MRTFB: variants seen among roughly 807,000 people sequenced by gnomAD.
MRTFB encodes the protein myocardin related transcription factor B, also known as myocardin-related transcription factor B.
In MRTFB, 29 loss-of-function variants were observed where a neutral mutation model predicts 104.2. The observed-to-expected ratio is 0.28, with a 90% CI of 0.21 to 0.38. The LOEUF (loss-of-function observed/expected upper bound fraction) is 0.38, where lower values mean the gene tolerates loss of function less well. MRTFB is among the 10% of genes least tolerant of loss of function. MRTFB has a pLI of 1.00. For synonymous variants in MRTFB, 535 were observed against 519.5 expected (o/e 1.03, Z -0.41); for missense variants, 1,270 against 1,341.6 (o/e 0.95, Z 0.83).
At chr16:14,103,574 A>T (rs771994735) in intron 2 of MRTFB, among the ~76,000 whole-genome samples, 2 of 152,134 alleles carry the variant, frequency 1.3e-5, no homozygotes, top group African/African-American at 2.4e-5. Context: ...TCCTGTTTCC[A>T]TTGCTGAAAT....
the MRTFB span, among the ~76,000 whole-genome samples, chr16:14,018,184 T>G: frequency 3.2e-3 from 483 of 152,298 alleles, 3 homozygotes; most frequent in African/African-American, 0.011. Context: ...CAGAGGGCTT[T>G]TCTGGAAGAA....
At chr16:14,154,916 T>TCTCTTGTAGCATTCCTTAAAC (rs1402565044) in intron 3 of MRTFB, among the ~76,000 whole-genome samples, 3 of 152,176 alleles carry the variant, frequency 2.0e-5, no homozygotes, top group African/African-American at 7.2e-5. Context: ...AGAGTGATAA[T>TCTCTTGTAGCATTCCTTAAAC]CTCTTGTAGC....
intron 10 of MRTFB, among the ~76,000 whole-genome samples, chr16:14,244,450 G>A (rs2042927473): frequency 6.6e-6 from 1 of 152,080 alleles, no homozygotes; most frequent in African/African-American, 2.4e-5. Flanking sequence ...TTTTCCTTTA[G>A]TACTACGAAA....
rs1333317268 is a variant in MRTFB at position 14,182,076 on chromosome 16, T to C, written c.155-28167T>C. 3.9e-5 allele frequency among the ~76,000 whole-genome samples: 6 copies of C among 152,178 alleles called. No homozygotes were observed. The East Asian group carries it at 9.6e-4, about 24-fold the overall frequency. ...CATTAGAGCCAAATGACAGTGAAGA[T>C]GATGTACCACATATAGTAGAGGAAC... On this transcript the variant is annotated intron_variant, in intron 3 of 16. Transcript: ENST00000571589.
chr16:14,134,693 T>C (rs2037617848), intron 2 of MRTFB, among the ~76,000 whole-genome samples: 1 of 152,168 alleles, frequency 6.6e-6, no homozygotes, highest in Non-Finnish European at 1.5e-5. Flanking sequence ...CAACCTCGTG[T>C]CCCTCTTTCC....
chr16:14,169,594 T>C (rs1203816007), intron 3 of MRTFB, among the ~76,000 whole-genome samples: 1 of 152,208 alleles, frequency 6.6e-6, no homozygotes, highest in African/African-American at 2.4e-5. Context: ...TATCTCTCTA[T>C]GAGCAAAAAC....
rs763510222 is a variant in MRTFB at position 14,217,251 on chromosome 16, C to T, written c.478C>T (p.Leu160Phe). ...TATGGAGCTGGTAGAGAAAAACATC[C>T]TTCCTGTGGACTCCAGTGTTAAAGA... ...GPMELVEKNI[L>F]PVDSSVKEAI... is the part of the protein sequence containing the mutation. Residue 160 changes from leucine (L) to phenylalanine (F), a missense_variant, in exon 7 of 17, where the codon CTT becomes TTT. This residue lies in a region of MRTFB where 64 missense variants were observed against 152.9 expected (regional missense o/e 0.42). Coordinates refer to ENST00000571589, the MANE Select transcript of MRTFB (RefSeq NM_001308142.2). The T allele has an allele frequency of 1.2e-6, 2 of 1,613,016 alleles. No homozygotes were observed. Among genetic ancestry groups the T allele is most frequent in the East Asian group, 2.2e-5 (1 of 44,842 alleles).
chr16:14,187,163 A>G (rs779523641), intron 3 of MRTFB: 15 of 742,534 alleles, frequency 2.0e-5, no homozygotes, highest in Non-Finnish European at 3.1e-5. Flanking sequence ...ACACATTCTA[A>G]GTTCTTTGAA....
the MRTFB span, among the ~76,000 whole-genome samples, chr16:14,053,986 G>A: frequency 2.0e-5 from 3 of 152,124 alleles, no homozygotes; most frequent in Non-Finnish European, 1.5e-5. Flanking sequence ...GTGAGATTGT[G>A]AGGTCGTGTG....
intron 3 of MRTFB, among the ~76,000 whole-genome samples, chr16:14,208,760 G>A (rs1488990668): frequency 6.6e-6 from 1 of 152,136 alleles, no homozygotes; most frequent in South Asian, 2.1e-4. Context: ...AAGTACAGTG[G>A]GAACATACTA....
chr16:14,019,757 G>A, the MRTFB span, among the ~76,000 whole-genome samples: 3 of 152,080 alleles, frequency 2.0e-5, no homozygotes, highest in Admixed American at 6.6e-5. Flanking sequence ...AAGTGACTGC[G>A]AACAGCGTTA....
chr16:14,222,190 C>T (rs1200748285), intron 8 of MRTFB, among the ~76,000 whole-genome samples: 2 of 152,188 alleles, frequency 1.3e-5, no homozygotes, highest in Non-Finnish European at 2.9e-5. Context: ...CAGAGGTCCA[C>T]AGACCATACT....
intron 1 of MRTFB, among the ~76,000 whole-genome samples, chr16:14,078,427 C>CT (rs2034196210): frequency 6.6e-6 from 1 of 152,052 alleles, no homozygotes; most frequent in South Asian, 2.1e-4. Flanking sequence ...GCCCACCCCT[C>CT]TCCCCCTTTT....
chr16:14,177,176 G>C lies in MRTFB; in HGVS notation c.155-33067G>C, dbSNP rs1191328471. ...AATAACGCCGGTCAGGAAGGTGGGA[G>C]ACAAAGCACTGATGGCTTTGAATGC... On this transcript the variant is annotated intron_variant, in intron 3 of 16. Coordinates refer to ENST00000571589, the MANE Select transcript of MRTFB (RefSeq NM_001308142.2). This position sits in a 1 kb window ranked among gnomAD's most constrained non-coding sequence, Gnocchi z 4.7. 6.6e-6 allele frequency among the ~76,000 whole-genome samples: 1 copy of C among 152,206 alleles called. No individual in the cohort carries two copies. Among genetic ancestry groups the C allele is most frequent in the African/African-American group, 2.4e-5 (1 of 41,450 alleles).
the MRTFB span, among the ~76,000 whole-genome samples, chr16:14,066,062 A>C: frequency 6.6e-6 from 1 of 152,170 alleles, no homozygotes; most frequent in African/African-American, 2.4e-5. Flanking sequence ...AGCATGGACT[A>C]TACCTGTCTT....
chr16:14,008,428 C>T, the MRTFB span, among the ~76,000 whole-genome samples: 2 of 152,176 alleles, frequency 1.3e-5, no homozygotes, highest in Non-Finnish European at 2.9e-5. Flanking sequence ...AATGTAGCTA[C>T]TCCGTTGTCC....
At chr16:14,099,910 C>T (rs1363343608) in intron 2 of MRTFB, among the ~76,000 whole-genome samples, 3 of 152,112 alleles carry the variant, frequency 2.0e-5, no homozygotes, top group Non-Finnish European at 4.4e-5. Flanking sequence ...TCAGGTGAAC[C>T]CACCTCGGAC....
At chr16:14,047,690 C>T in the MRTFB span, among the ~76,000 whole-genome samples, 1 of 152,176 alleles carries the variant, frequency 6.6e-6, no homozygotes, top group South Asian at 2.1e-4. Context: ...ACCATCAGAA[C>T]TCATGAGACT....
rs971853351 is a variant in MRTFB, at chr16:14,085,770, A to G, written c.-64+6416A>G. Among the ~76,000 whole-genome samples, 8 of 152,302 alleles carry G rather than the reference A, an allele frequency of 5.3e-5. No individual in the cohort carries two copies. In the South Asian group the frequency reaches 8.3e-4, roughly 16 times the overall value. ...CTTAAATTTTAATTTGGATAAGAAA[A>G]CTAGCATCTGTGATTTTTATACGTA... On this transcript the variant is annotated intron_variant, in intron 2 of 16. Transcript: ENST00000571589.
Sources: gnomAD v4.1 joint callset for allele counts (sites outside exome capture counted in the v4.1 genomes callset) on GRCh38, gnomAD v4.1.1 for gene constraint, gnomAD v4.1.1 regional missense constraint, Gnocchi (gnomAD v3.1) non-coding constraint, MANE v1.5 for transcripts, NCBI Gene and HGNC (gene_info 2026-07-23, HGNC 2026-07-21) for gene names.